Variants in ATRNL1 observed in about 807,000 individuals in gnomAD.
The protein encoded by ATRNL1 is attractin like 1.
In ATRNL1, 95 loss-of-function variants were observed where a neutral mutation model predicts 182.7. The observed-to-expected ratio is 0.52, with a 90% CI of 0.44 to 0.62. The LOEUF (loss-of-function observed/expected upper bound fraction) is 0.62, where lower values mean the gene tolerates loss of function less well. Ranked by LOEUF, ATRNL1 falls within the 20% of genes least tolerant of loss-of-function variation. ATRNL1 has a pLI of 0.00. For synonymous variants in ATRNL1, 576 were observed against 568.3 expected, an observed-to-expected ratio of 1.01 and a Z score of -0.19; for missense variants, 1,471 against 1,679.5, an observed-to-expected ratio of 0.88 and a Z score of 2.17.
At chr10:115,143,009 C>G (rs1433840906) in intron 5 of ATRNL1, among the ~76,000 whole-genome samples, 3 of 151,974 alleles carry the variant, frequency 2.0e-5, no homozygotes, top group Non-Finnish European at 4.4e-5. Flanking sequence ...AGTGAGGAGG[C>G]AGTTGGATAT....
At chr10:115,467,090 C>A in intron 22 of ATRNL1, 84 bp from the exon 23 acceptor site, 2 of 741,190 alleles carry the variant, frequency 2.7e-6, no homozygotes, top group Non-Finnish European at 4.7e-6. Context: ...AGGAATAAAA[C>A]AGACATAATT....
chr10:115,705,926 G>C (rs1946882045), intron 26 of ATRNL1, among the ~76,000 whole-genome samples: 1 of 151,920 alleles, frequency 6.6e-6, no homozygotes, highest in Non-Finnish European at 1.5e-5. Context: ...GTCATATTTA[G>C]TATCTAATTA....
intron 26 of ATRNL1, among the ~76,000 whole-genome samples, chr10:115,568,779 T>G (rs2133856838): frequency 6.6e-6 from 1 of 152,076 alleles, no homozygotes; most frequent in Admixed American, 6.5e-5. Flanking sequence ...AATAAAAAGT[T>G]ATAAATTAAA....
chr10:115,424,402 A>G (rs782478353), intron 20 of ATRNL1, among the ~76,000 whole-genome samples: 1 of 152,224 alleles, frequency 6.6e-6, no homozygotes, highest in Non-Finnish European at 1.5e-5. Flanking sequence ...AAACAGAATG[A>G]AAATATGTTT....
intron 5 of ATRNL1, among the ~76,000 whole-genome samples, chr10:115,131,259 T>C (rs1440660946): frequency 6.6e-6 from 1 of 152,094 alleles, no homozygotes; most frequent in African/African-American, 2.4e-5. Context: ...TACACATATA[T>C]TTATAACTAC....
intron 28 of ATRNL1, among the ~76,000 whole-genome samples, chr10:115,861,367 C>A (rs1376591052): frequency 6.6e-6 from 1 of 152,274 alleles, no homozygotes; most frequent in Admixed American, 6.5e-5. Context: ...TAGTAAAAGA[C>A]AATTTGCTTA....
intron 27 of ATRNL1, among the ~76,000 whole-genome samples, chr10:115,787,831 G>C (rs1949432709): frequency 6.6e-6 from 1 of 152,144 alleles, no homozygotes; most frequent in Non-Finnish European, 1.5e-5. Flanking sequence ...GGATTATTGG[G>C]ATAGACCCTC....
chr10:115,428,619 T>A (rs1846011505), intron 21 of ATRNL1, among the ~76,000 whole-genome samples: 1 of 152,080 alleles, frequency 6.6e-6, no homozygotes, highest in South Asian at 2.1e-4. Flanking sequence ...ATGCATTTCC[T>A]GCATTAATTT....
chr10:115,875,844 A>G (rs1552067), intron 28 of ATRNL1, among the ~76,000 whole-genome samples: 151,231 of 152,264 alleles, frequency 0.99, 75,111 homozygotes, highest in Middle Eastern at 1. Flanking sequence ...AGTGGCATGG[A>G]GGTAAAACAA....
chr10:115,334,238 A>G (rs1280658949), intron 18 of ATRNL1, 44 bp from the exon 19 acceptor site: 11 of 1,291,472 alleles, frequency 8.5e-6, no homozygotes, highest in Non-Finnish European at 1.2e-5. Context: ...ATTATACTTG[A>G]TATTATGTTA....
At chr10:115,379,974 C>T (rs574096029) in intron 19 of ATRNL1, among the ~76,000 whole-genome samples, 1 of 152,156 alleles carries the variant, frequency 6.6e-6, no homozygotes, top group Non-Finnish European at 1.5e-5. Flanking sequence ...CTACGGGTGC[C>T]CACCACCATG....
intron 28 of ATRNL1, among the ~76,000 whole-genome samples, chr10:115,880,533 A>G (rs1026401976): frequency 6.6e-6 from 1 of 152,160 alleles, no homozygotes; most frequent in Non-Finnish European, 1.5e-5. Context: ...GAGGCTGAGG[A>G]GAATCGCTTG....
At chr10:115,516,410 G>T (rs1187632165) in intron 24 of ATRNL1, among the ~76,000 whole-genome samples, 1 of 151,638 alleles carries the variant, frequency 6.6e-6, no homozygotes, top group African/African-American at 2.4e-5. Context: ...ACTTATTTTT[G>T]TCTTGATGAC....
intron 28 of ATRNL1, among the ~76,000 whole-genome samples, chr10:115,891,118 A>G (rs577192503): frequency 6.6e-6 from 1 of 152,192 alleles, no homozygotes; most frequent in South Asian, 2.1e-4. Flanking sequence ...AAAAAAAATC[A>G]TATGCTCATC....
At chr10:115,531,410 G>T (rs1489803850) in intron 25 of ATRNL1, among the ~76,000 whole-genome samples, 3 of 152,080 alleles carry the variant, frequency 2.0e-5, no homozygotes, top group Non-Finnish European at 4.4e-5. Flanking sequence ...GTGTTTTTTG[G>T]CTGCATAAAT....
intron 21 of ATRNL1, among the ~76,000 whole-genome samples, chr10:115,430,264 TTTTGCTATTTCATAGCATTAG>T (rs1396907094): frequency 9.2e-5 from 14 of 152,174 alleles, no homozygotes; most frequent in Non-Finnish European, 1.9e-4. Context: ...TTTTTTTATT[TTTTGCTATTTCATAGCATTAG>T]CTTTTGGTTT....
At chr10:115,924,751 T>C (rs1555119569) in intron 28 of ATRNL1, among the ~76,000 whole-genome samples, 1 of 152,238 alleles carries the variant, frequency 6.6e-6, no homozygotes, top group African/African-American at 2.4e-5. Context: ...TGATTCCATG[T>C]GAAATCTAAA....
chr10:115,370,920 G>A (rs1554947865), intron 19 of ATRNL1, among the ~76,000 whole-genome samples: 1 of 152,122 alleles, frequency 6.6e-6, no homozygotes, highest in African/African-American at 2.4e-5. Context: ...ATTTTTTGTA[G>A]GCCAGGCCCA....
chr10:115,282,390 C>T (rs10047371), intron 14 of ATRNL1, among the ~76,000 whole-genome samples: 149,723 of 150,840 alleles, frequency 0.99, 74,317 homozygotes, highest in Middle Eastern at 1. Context: ...GTATATCTCC[C>T]AATGCTATCC....
Sources: gnomAD v4.1 joint callset for allele counts (sites outside exome capture counted in the v4.1 genomes callset) on GRCh38, gnomAD v4.1.1 for gene constraint, MANE v1.5 for transcripts, NCBI Gene and HGNC (gene_info 2026-07-23, HGNC 2026-07-21) for gene names.